Variants in LAMA5 observed in about 807,000 individuals in gnomAD.
LAMA5 encodes laminin subunit alpha-5.
In LAMA5, 260 loss-of-function variants were observed where a neutral mutation model predicts 433.4. That is an observed-to-expected ratio of 0.60 (90% CI 0.54 to 0.66). LAMA5 has a LOEUF of 0.66. Ranked by LOEUF, LAMA5 falls within the 30% of genes least tolerant of loss-of-function variation. The probability of loss-of-function intolerance (pLI) is 0.00; values close to 1 mark genes in which losing one functional copy is unlikely to be tolerated. For missense variants in LAMA5, 5,378 were observed against 5,258.5 expected (o/e 1.02, Z -0.70); for synonymous variants, 2,620 against 2,226.6 (o/e 1.18, Z -4.97).
rs779267687 is a variant in LAMA5 at position 62,346,924 on chromosome 20, T to A, written c.1061A>T (p.Asn354Ile). The A allele has an allele frequency of 1.9e-6, 3 of 1,612,788 alleles. No homozygotes were observed. The African/African-American group carries it at 4.0e-5, about 22-fold the overall frequency. Residue 354 changes from asparagine (N) to isoleucine (I), a missense_variant, in exon 7 of 80, where the codon AAC becomes ATC. Coordinates refer to ENST00000252999, the MANE Select transcript of LAMA5 (RefSeq NM_005560.6). ...GAGGAGGCACTCACACTGGCACTCG[T>A]TGGCACTGTTGGCAGTCGCAGGCTT... The part of the protein sequence containing the change: ...PWKPATANSA[N>I]ECQSCNCYGH...
chr20:62,339,971 C>T (rs1982326469), intron 11 of LAMA5, among the ~76,000 whole-genome samples: 1 of 152,150 alleles, frequency 6.6e-6, no homozygotes, highest in East Asian at 1.9e-4. Flanking sequence ...AAACCAACGC[C>T]TCAGACAGGT....
chr20:62,361,677 C>A (rs1222357024), intron 2 of LAMA5, among the ~76,000 whole-genome samples: 1 of 152,200 alleles, frequency 6.6e-6, no homozygotes, highest in Admixed American at 6.5e-5. Flanking sequence ...CAGCCTCCTC[C>A]ACCTGCCCCA....
intron 58 of LAMA5, among the ~76,000 whole-genome samples, chr20:62,315,730 C>T (rs1236032192): frequency 2.0e-5 from 3 of 152,220 alleles, no homozygotes; most frequent in Admixed American, 2.0e-4. Flanking sequence ...CTACCCAAAG[C>T]ACTTCCAAGC....
intron 21 of LAMA5, 70 bp downstream of exon 21, chr20:62,334,452 G>A: frequency 1.3e-6 from 2 of 1,515,938 alleles, no homozygotes; most frequent in South Asian, 1.2e-5. Flanking sequence ...CATGGTGAGG[G>A]ACACGGAGAG....
chr20:62,322,222 CCA>C, intron 47 of LAMA5, 45 bp downstream of exon 47: 2 of 1,561,960 alleles, frequency 1.3e-6, no homozygotes, highest in Non-Finnish European at 1.7e-6. Flanking sequence ...GGAGCGTACC[CCA>C]CTCAGAAGTC....
At chr20:62,314,479 G>A in intron 61 of LAMA5, 39 bp from the exon 62 acceptor site, 1 of 1,611,160 alleles carries the variant, frequency 6.2e-7, no homozygotes, top group Non-Finnish European at 8.5e-7. Context: ...ATGGGGACCG[G>A]GGACCAGGGA....
chr20:62,336,365 G>C lies in LAMA5; in HGVS notation c.2298C>G (p.Ser766Arg), dbSNP rs755427128. 6.2e-7 allele frequency: 1 copy of C among 1,611,978 alleles called. No individual in the cohort carries two copies. Among genetic ancestry groups the C allele is most frequent in the South Asian group, 1.1e-5 (1 of 91,042 alleles). Residue 766 changes from serine (S) to arginine (R), a missense_variant, in exon 18 of 80, where the codon AGC becomes AGG. Transcript: ENST00000252999. ...GGGTACAGCCCTCGGGGTTGCTGGG[G>C]CTCAGTCCCCAGAACCCAGGTTTGC... Reference protein sequence around the residue: ...DRCKPGFWGLSPSNPEGCTRC... With the variant: ...DRCKPGFWGLRPSNPEGCTRC...
At chr20:62,327,156 C>A in intron 38 of LAMA5, 77 bp downstream of exon 38, 1 of 1,374,536 alleles carries the variant, frequency 7.3e-7, no homozygotes, top group South Asian at 1.5e-5. Flanking sequence ...TGGACAGACC[C>A]CGCTCCTGGC....
Position 62,312,327 on chromosome 20 carries a change from G to A in LAMA5, c.9361-11C>T, listed in dbSNP as rs780952296. Reference sequence around the variant, plus strand: ...CATGGCGCGCCCCACCTGCGGGGAGGCCATCCCTGAGTGCCCGCGGGTGCC... The same window carrying A: ...CATGGCGCGCCCCACCTGCGGGGAGACCATCCCTGAGTGCCCGCGGGTGCC... On this transcript the variant is annotated splice_polypyrimidine_tract_variant and intron_variant, in intron 68 of 79. Transcript: ENST00000252999. 4 of 1,606,798 alleles carry A rather than the reference G, an allele frequency of 2.5e-6. No homozygotes were observed. The highest frequency in any genetic ancestry group is 1.3e-5 in the African/African-American group (1 of 74,892).
At position 62,312,211 on chromosome 20, in the gene LAMA5, C is replaced by A. The variant is rs140550546; in HGVS notation, c.9466G>T (p.Ala3156Ser). ...TAGTAGAGCAGGGCACTGTCCTGGG[C>A]GCTGTGGAAGCCGAAGCCGGAGTAG... ...NVYSGFGFHS[A>S]QDSALLYYRA... Residue 3156 changes from alanine (A) to serine (S), a missense_variant, in exon 69 of 80, where the codon GCC (alanine) becomes TCC (serine). Physicochemically the swap from Ala to Ser is moderately conservative, Grantham distance 99. Coordinates refer to ENST00000252999, the MANE Select transcript of LAMA5 (RefSeq NM_005560.6). The A allele has an allele frequency of 1.9e-6, 3 of 1,610,342 alleles. No homozygotes were observed. The highest frequency in any genetic ancestry group is 2.2e-5 in the South Asian group (2 of 90,802).
intron 79 of LAMA5, 77 bp downstream of exon 79, chr20:62,309,634 AGGGGT>A (rs1985949854): frequency 1.2e-5 from 5 of 424,774 alleles, no homozygotes; most frequent in Non-Finnish European, 1.7e-5. Flanking sequence ...CAGGGGGTGG[AGGGGT>A]GGGGGGAGGG....
chr20:62,313,396 T>A lies in LAMA5; in HGVS notation c.8723A>T (p.Glu2908Val), dbSNP rs764502259. 1.9e-6 allele frequency: 3 copies of A among 1,607,692 alleles called. No homozygotes were observed. Among genetic ancestry groups the A allele is most frequent in the Non-Finnish European group, 2.5e-6 (3 of 1,177,952 alleles). ...GCIEMDTLNE[E>V]VVSLYNFERT... ...CTCGAAGTTGTAGAGGCTGACCACC[T>A]CCTCATTCAGCGTGTCCATCTCGAT... is the stretch of plus-strand genomic sequence containing the variant. Residue 2908 changes from glutamate to valine, a missense_variant, in exon 64 of 80, where the codon GAG becomes GTG. Coordinates refer to ENST00000252999, the MANE Select transcript of LAMA5 (RefSeq NM_005560.6).
chr20:62,363,597 C>G (rs533165034), intron 1 of LAMA5, among the ~76,000 whole-genome samples: 2 of 152,098 alleles, frequency 1.3e-5, no homozygotes, highest in African/African-American at 4.8e-5. Flanking sequence ...CCCGCCCCCC[C>G]AGGAAACCAG....
rs1196131472 is a variant in LAMA5 at position 62,320,560 on chromosome 20, T to C, written c.6758A>G (p.Gln2253Arg). The change falls in exon 50 of 80, where the codon CAG (glutamine) becomes CGG (arginine). Residue 2253 changes from glutamine to arginine, a missense_variant and splice_region_variant. By Grantham distance (43) the Gln-to-Arg change is conservative (BLOSUM62 1). Coordinates refer to ENST00000252999, the MANE Select transcript of LAMA5 (RefSeq NM_005560.6). ...CCTGGGGGGTCTTGGGGCTCCTGCC[T>C]GGCCGCCTAGCCGCCGTGCGTCCTG... ...LGQDARRLGG[Q>R]AVGTRDQASQ... 3 of 1,590,658 alleles carry C rather than the reference T, an allele frequency of 1.9e-6. No individual in the cohort carries two copies. Among genetic ancestry groups the C allele is most frequent in the Non-Finnish European group, 2.6e-6 (3 of 1,174,836 alleles).
Position 62,313,109 on chromosome 20 carries a change from C to G in LAMA5, c.8934G>C (p.Val2978=). 6.2e-7 allele frequency: 1 copy of G among 1,609,432 alleles called. No homozygotes were observed. Among genetic ancestry groups the G allele is most frequent in the Non-Finnish European group, 8.5e-7 (1 of 1,179,682 alleles). ...GCACCTGCTGCTTCAGGAAGAAGAG[C>G]ACCCCGCTGTAGGACACGAGCCGCA... ...QELRLVSYSG[V]LFFLKQQSQF... Residue 2978 remains valine (V), a synonymous_variant, in exon 65 of 80, where the codon GTG becomes GTC. Coordinates refer to ENST00000252999, the MANE Select transcript of LAMA5 (RefSeq NM_005560.6).
chr20:62,355,997 C>T (rs1421063159), intron 2 of LAMA5, among the ~76,000 whole-genome samples: 3 of 152,224 alleles, frequency 2.0e-5, no homozygotes, highest in South Asian at 2.1e-4. Context: ...CTCCTCGGCC[C>T]GATCTGTCCT....
At position 62,346,101 on chromosome 20, in the gene LAMA5, G is replaced by A. The variant is rs149061223; in HGVS notation, c.1397C>T (p.Thr466Met). Residue 466 changes from threonine to methionine, a missense_variant, in exon 10 of 80, where the codon ACG (threonine) becomes ATG (methionine). Coordinates refer to ENST00000252999, the MANE Select transcript of LAMA5 (RefSeq NM_005560.6). ...CTCACGGTAGCAGCTTGGGAAGCCC[G>A]TGAAGCCCTCGGCACACACGTCACA... ...ERCDVCAEGF[T>M]GFPSCYPTPS... is the part of the protein sequence containing the mutation. 1.4e-4 allele frequency: 225 copies of A among 1,612,916 alleles called. No individual in the cohort carries two copies. The highest frequency in any genetic ancestry group is 1.9e-4 in the Non-Finnish European group (220 of 1,180,002).
chr20:62,316,560 A>G (rs1197801823), intron 57 of LAMA5, 111 bp downstream of exon 57: 1 of 790,668 alleles, frequency 1.3e-6, no homozygotes, highest in African/African-American at 1.8e-5. Context: ...ACCCCAAACC[A>G]TGCTGCGGTG....
Position 62,310,657 on chromosome 20 carries a change from G to A in LAMA5, c.10446+8C>T, listed in dbSNP as rs751420675. On this transcript the variant is annotated splice_region_variant and intron_variant, in intron 75 of 79. Transcript: ENST00000252999. Reference sequence around the variant, plus strand: ...GGGGAGTGGGGGCTGGGGCAAGATGGTTCTCACCGGAAGTTTGGAGCTGTG... The same window carrying A: ...GGGGAGTGGGGGCTGGGGCAAGATGATTCTCACCGGAAGTTTGGAGCTGTG... The A allele has an allele frequency of 1.9e-6, 3 of 1,601,216 alleles. No individual in the cohort carries two copies. The Admixed American group carries it at 5.1e-5, about 27-fold the overall frequency.
Sources: allele counts gnomAD v4.1 joint callset (sites outside exome capture counted in the v4.1 genomes callset), GRCh38; gene constraint gnomAD v4.1.1; transcripts MANE v1.5; gene names NCBI Gene and HGNC (gene_info 2026-07-23, HGNC 2026-07-21).